Variants in FAM114A1 observed in about 807,000 individuals in gnomAD.
FAM114A1 encodes the protein protein NOXP20.
In FAM114A1, 62 loss-of-function variants were observed where a neutral mutation model predicts 64.3. That is an observed-to-expected ratio of 0.96 (90% CI 0.79 to 1.19). The LOEUF (loss-of-function observed/expected upper bound fraction) is 1.19, where lower values mean the gene tolerates loss of function less well. Ranked by LOEUF, FAM114A1 falls within the 50% of genes most tolerant of loss-of-function variation. The pLI is 0.00. For missense variants in FAM114A1, 645 were observed against 676.3 expected, an observed-to-expected ratio of 0.95 and a Z score of 0.51; for synonymous variants, 254 against 251.1, an observed-to-expected ratio of 1.01 and a Z score of -0.11.
chr4:38,880,107 GTA>G (rs1715084872), intron 3 of FAM114A1, among the ~76,000 whole-genome samples: 1 of 127,274 alleles, frequency 7.9e-6, no homozygotes, highest in Admixed American at 8.0e-5. Context: ...ATAAAATAGA[GTA>G]GAATAGAATA....
At chr4:38,913,724 A>G (rs959202915) in intron 7 of FAM114A1, among the ~76,000 whole-genome samples, 2 of 152,186 alleles carry the variant, frequency 1.3e-5, no homozygotes, top group Non-Finnish European at 2.9e-5. Context: ...TAAGTATATG[A>G]TGACAAATAC....
intron 2 of FAM114A1, among the ~76,000 whole-genome samples, chr4:38,874,737 G>T (rs1233455081): frequency 6.6e-6 from 1 of 152,054 alleles, no homozygotes; most frequent in African/African-American, 2.4e-5. Context: ...TGAAATCTTT[G>T]CCAGGGCCGA....
intron 12 of FAM114A1, among the ~76,000 whole-genome samples, chr4:38,933,068 G>C (rs565351650): frequency 6.6e-6 from 1 of 152,064 alleles, no homozygotes; most frequent in African/African-American, 2.4e-5. Context: ...TGGCCAGGAT[G>C]GTCTCCATCT....
At chr4:38,891,653 C>T (rs907248561) in intron 3 of FAM114A1, 90 bp from the exon 4 acceptor site, 1 of 1,153,622 alleles carries the variant, frequency 8.7e-7, no homozygotes, top group African/African-American at 1.6e-5. Flanking sequence ...GATTCTTTTC[C>T]AAACCTCCTC....
intron 4 of FAM114A1, among the ~76,000 whole-genome samples, chr4:38,898,377 C>A (rs1195621085): frequency 6.6e-6 from 1 of 152,148 alleles, no homozygotes; most frequent in Non-Finnish European, 1.5e-5. Flanking sequence ...CTTCTAGCAG[C>A]CCGGTCAGAA....
intron 2 of FAM114A1, among the ~76,000 whole-genome samples, chr4:38,877,857 G>A (rs1056422158): frequency 6.6e-5 from 10 of 151,862 alleles, no homozygotes; most frequent in South Asian, 2.1e-4. Flanking sequence ...CCAGCTACTC[G>A]GGAGGCTGAG....
rs1717931252 is a variant in FAM114A1, at chr4:38,905,703, C to T, written c.551-52C>T. The T allele has an allele frequency of 1.9e-6, 3 of 1,608,466 alleles. No individual in the cohort carries two copies. The East Asian group carries it at 6.7e-5, about 36-fold the overall frequency. ...ACCATGTGCATAATCAGAGGTTTTC[C>T]AAGTTCAGATCAGCGACGTGAACTC... On this transcript the variant is annotated intron_variant, in intron 5 of 14. Coordinates refer to ENST00000358869, the MANE Select transcript of FAM114A1 (RefSeq NM_138389.4).
At chr4:38,868,037 C>G in intron 1 of FAM114A1, 1 of 426,990 alleles carries the variant, frequency 2.3e-6, no homozygotes, top group South Asian at 1.6e-5. Flanking sequence ...GCCGAGGGAC[C>G]TGCGTGGGTG....
chr4:38,901,073 A>G (rs1717466219), intron 4 of FAM114A1, among the ~76,000 whole-genome samples: 1 of 152,204 alleles, frequency 6.6e-6, no homozygotes, highest in Non-Finnish European at 1.5e-5. Flanking sequence ...TTAAAATAAG[A>G]AAAAGAAGGA....
Position 38,895,690 on chromosome 4 carries a change from C to T in FAM114A1, c.436+3860C>T, listed in dbSNP as rs74411416. ...TGGGAATACCTTCTGAGAAATGGGTCGTTGGGTGATTTAATCATTGTGCAA... is the reference window on the plus strand; with the variant it reads ...TGGGAATACCTTCTGAGAAATGGGTTGTTGGGTGATTTAATCATTGTGCAA... On this transcript the variant is annotated intron_variant, in intron 4 of 14. Coordinates refer to ENST00000358869, the MANE Select transcript of FAM114A1 (RefSeq NM_138389.4). Among the ~76,000 whole-genome samples, 1,434 of 152,236 alleles carry T rather than the reference C, an allele frequency of 9.4e-3. 32 individuals carry two copies. The highest frequency in any genetic ancestry group is 0.032 in the African/African-American group (1,346 of 41,532).
At chr4:38,882,088 G>A (rs1715327619) in intron 3 of FAM114A1, among the ~76,000 whole-genome samples, 3 of 151,746 alleles carry the variant, frequency 2.0e-5, no homozygotes, top group African/African-American at 7.3e-5. Context: ...CGAGGCGGGT[G>A]GATCATGAGG....
intron 2 of FAM114A1, among the ~76,000 whole-genome samples, chr4:38,871,172 C>T (rs1340871635): frequency 6.7e-6 from 1 of 150,054 alleles, no homozygotes; most frequent in Non-Finnish European, 1.5e-5. Flanking sequence ...TCACTGTAGC[C>T]TCTGCCTTCC....
chr4:38,926,057 T>C lies in FAM114A1; in HGVS notation c.1069+3164T>C, dbSNP rs186366292. On this transcript the variant is annotated intron_variant, in intron 9 of 14. Coordinates refer to ENST00000358869, the MANE Select transcript of FAM114A1 (RefSeq NM_138389.4). ...ATTTGTTTACATAAAACTTTGTGTT[T>C]ACAAAACACTTTCACGTTTGTTGCA... Among the ~76,000 whole-genome samples, 622 of 152,380 alleles carry C rather than the reference T, an allele frequency of 4.1e-3. 5 individuals carry two copies. Among genetic ancestry groups the C allele is most frequent in the South Asian group, 0.034 (162 of 4,828 alleles).
chr4:38,936,119 G>A (rs1721068063), intron 13 of FAM114A1, among the ~76,000 whole-genome samples: 2 of 150,762 alleles, frequency 1.3e-5, no homozygotes, highest in African/African-American at 4.9e-5. Context: ...TTGAGACGGA[G>A]TTTTGCTCTG....
Position 38,915,034 on chromosome 4 carries a change from G to C in FAM114A1, c.906G>C (p.Leu302=). ...ATGAATATCAAGGCTTGTCACACCT[G>C]GAAGCCCTGGAAATTCTGTCCAATG... The part of the protein sequence containing the change: ...LFDEYQGLSH[L]EALEILSNES... Residue 302 remains leucine (L), a synonymous_variant, in exon 8 of 15, where the codon CTG becomes CTC. Transcript: ENST00000358869. 6.2e-7 allele frequency: 1 copy of C among 1,614,120 alleles called. No homozygotes were observed.
At chr4:38,868,048 CG>C in intron 1 of FAM114A1, 1 of 424,142 alleles carries the variant, frequency 2.4e-6, no homozygotes, top group Non-Finnish European at 4.8e-6. Context: ...TGCGTGGGTG[CG>C]GGCGTGTGAG....
At chr4:38,898,068 G>A (rs1717120751) in intron 4 of FAM114A1, among the ~76,000 whole-genome samples, 1 of 152,148 alleles carries the variant, frequency 6.6e-6, no homozygotes, top group African/African-American at 2.4e-5. Flanking sequence ...TAGACCAGTA[G>A]TCAAAATGAA....
intron 10 of FAM114A1, 31 bp downstream of exon 10, chr4:38,929,364 TA>T (rs35369040): frequency 7.0e-5 from 103 of 1,480,426 alleles, no homozygotes; most frequent in Middle Eastern, 1.8e-4. Flanking sequence ...AGTTTCTGGT[TA>T]AAAAAAAACA....
At chr4:38,935,236 C>G (rs150073742) in intron 12 of FAM114A1, among the ~76,000 whole-genome samples, 18 of 152,082 alleles carry the variant, frequency 1.2e-4, no homozygotes, top group African/African-American at 3.4e-4. Context: ...CTTAAATGTC[C>G]GATTTTCCAT....
Sources: gnomAD v4.1 joint callset for allele counts (sites outside exome capture counted in the v4.1 genomes callset) on GRCh38, gnomAD v4.1.1 for gene constraint, MANE v1.5 for transcripts, NCBI Gene and HGNC (gene_info 2026-07-23, HGNC 2026-07-21) for gene names.